The following NOVA1 variants were observed in gnomAD, a reference collection of about 807,000 sequenced individuals.
NOVA1 encodes the protein NOVA alternative splicing regulator 1.
NOVA1 carries 7 observed loss-of-function variants against 38.0 expected under a neutral mutation model. The observed-to-expected ratio is 0.18, with a 90% CI of 0.10 to 0.35. The LOEUF is 0.35. NOVA1 is among the 10% of genes least tolerant of loss of function. The pLI, the probability that NOVA1 is intolerant of heterozygous loss-of-function variation, is 1.00. For missense variants in NOVA1, 460 were observed against 616.0 expected (o/e 0.75, Z 2.68); for synonymous variants, 270 against 232.5 (o/e 1.16, Z -1.47).
At chr14:26,515,006 T>C (rs1566494861) in intron 2 of NOVA1, among the ~76,000 whole-genome samples, 1 of 151,918 alleles carries the variant, frequency 6.6e-6, no homozygotes, top group Non-Finnish European at 1.5e-5. Flanking sequence ...CTTTCCTGCT[T>C]TATCTTATCC....
intron 4 of NOVA1, among the ~76,000 whole-genome samples, chr14:26,463,925 G>A (rs2138216541): frequency 6.6e-6 from 1 of 152,164 alleles, no homozygotes; most frequent in South Asian, 2.1e-4. Context: ...TCTGGACCAG[G>A]CAGTGTTCTA....
chr14:26,563,231 C>A (rs1318291030), intron 2 of NOVA1, among the ~76,000 whole-genome samples: 1 of 151,294 alleles, frequency 6.6e-6, no homozygotes, highest in East Asian at 1.9e-4. Flanking sequence ...AAATACAATA[C>A]AAAGAGCAGA....
chr14:26,463,228 G>GT (rs1453487397), intron 4 of NOVA1, among the ~76,000 whole-genome samples: 4 of 152,100 alleles, frequency 2.6e-5, no homozygotes, highest in African/African-American at 9.7e-5. Context: ...TATTGGTGCA[G>GT]TAAGTTTTAC....
At chr14:26,567,098 G>A (rs1014092287) in intron 2 of NOVA1, among the ~76,000 whole-genome samples, 1 of 151,808 alleles carries the variant, frequency 6.6e-6, no homozygotes, top group Non-Finnish European at 1.5e-5. Context: ...CCTAAAAACT[G>A]TGCAAAATGA....
intron 4 of NOVA1, among the ~76,000 whole-genome samples, chr14:26,451,390 C>T (rs911682336): frequency 2.6e-5 from 4 of 151,984 alleles, no homozygotes; most frequent in East Asian, 3.9e-4. Context: ...TTTTGAGAGA[C>T]GGAGTCTTGC....
intron 2 of NOVA1, among the ~76,000 whole-genome samples, chr14:26,519,820 T>C (rs1022631914): frequency 6.6e-6 from 1 of 152,168 alleles, no homozygotes; most frequent in Admixed American, 6.5e-5. Context: ...ATAAATTTTC[T>C]ACAAGTAGAA....
chr14:26,593,499 G>A (rs1893989973), intron 2 of NOVA1: 1 of 151,798 alleles, frequency 6.6e-6, no homozygotes, highest in Admixed American at 6.6e-5. Flanking sequence ...CCCATACTGT[G>A]TGATTGGTTT....
chr14:26,446,690 A>T lies in NOVA1; in HGVS notation c.*1269T>A, dbSNP rs1882104741. 6.5e-6 allele frequency: 1 copy of T among 152,684 alleles called. No homozygotes were observed. Among genetic ancestry groups the T allele is most frequent in the Non-Finnish European group, 1.5e-5 (1 of 68,116 alleles). The allele number at this position is 152,684 out of a possible 1,614,324, so 9.5% of individuals were successfully genotyped here. On this transcript the variant is annotated 3_prime_UTR_variant, in exon 5 of 5. Coordinates refer to ENST00000539517, the MANE Select transcript of NOVA1 (RefSeq NM_002515.3). ...GGCCTGGACAGTTGGCACTCAGGAG[A>T]GGTACAGAAGAGGGTGACAGTTGTT... is the stretch of plus-strand genomic sequence containing the variant.
intron 4 of NOVA1, among the ~76,000 whole-genome samples, chr14:26,462,991 TTC>T (rs1376760421): frequency 6.6e-6 from 1 of 152,204 alleles, no homozygotes; most frequent in Non-Finnish European, 1.5e-5. Context: ...ATGAACAAAG[TTC>T]TTTGACTATT....
At chr14:26,594,452 T>A (rs1360200004) in intron 2 of NOVA1, 1 of 151,926 alleles carries the variant, frequency 6.6e-6, no homozygotes, top group Admixed American at 6.6e-5. Flanking sequence ...AAGAAAAAAA[T>A]TAAAGCAGTA....
At chr14:26,541,442 A>G (rs977942072) in intron 2 of NOVA1, among the ~76,000 whole-genome samples, 11 of 151,630 alleles carry the variant, frequency 7.3e-5, no homozygotes, top group African/African-American at 2.2e-4. Context: ...CAAAAACAGA[A>G]TGAGCCATTT....
Position 26,596,510 on chromosome 14 carries a change from T to C in NOVA1, c.136+791A>G, listed in dbSNP as rs557808151. 6.3e-6 allele frequency: 8 copies of C among 1,267,746 alleles called. No individual in the cohort carries two copies. In the African/African-American group the frequency reaches 1.1e-4, roughly 17 times the overall value. The allele number at this position is 1,267,746 out of a possible 1,614,324, so 78.5% of individuals were successfully genotyped here. A position where few individuals can be genotyped will look rare whatever the true frequency, so the allele number is the denominator to read the frequency against. On this transcript the variant is annotated intron_variant, in intron 1 of 4. Transcript: ENST00000539517. ...TTAATGTGAATGAATGTTCCAAATG[T>C]TGTGGTGTGCCACTCAAAAGACCCC...
intron 2 of NOVA1, among the ~76,000 whole-genome samples, chr14:26,521,083 A>T (rs1252970857): frequency 6.6e-6 from 1 of 152,098 alleles, no homozygotes; most frequent in Non-Finnish European, 1.5e-5. Context: ...AGTAGATTTG[A>T]TAAATCAGTC....
chr14:26,597,002 G>T, intron 1 of NOVA1: 4 of 1,249,878 alleles, frequency 3.2e-6, no homozygotes, highest in Middle Eastern at 3.1e-4. Context: ...CCAGGTCTAG[G>T]ATATTTACAT....
At chr14:26,506,510 G>A (rs558296969) in intron 2 of NOVA1, among the ~76,000 whole-genome samples, 5 of 152,202 alleles carry the variant, frequency 3.3e-5, no homozygotes, top group Admixed American at 1.3e-4. Flanking sequence ...TGTTGTCTTC[G>A]CCAATCAAGA....
At chr14:26,544,408 T>C (rs1890660274) in intron 2 of NOVA1, among the ~76,000 whole-genome samples, 1 of 151,688 alleles carries the variant, frequency 6.6e-6, no homozygotes. Flanking sequence ...AGTTCTTCCC[T>C]ACTTCTAATC....
chr14:26,459,021 T>C (rs1250650814), intron 4 of NOVA1, among the ~76,000 whole-genome samples: 2 of 152,060 alleles, frequency 1.3e-5, no homozygotes, highest in Non-Finnish European at 2.9e-5. Flanking sequence ...TAGTGTGCCC[T>C]AAGTGTACAG....
chr14:26,497,930 C>T (rs114910946), intron 2 of NOVA1, among the ~76,000 whole-genome samples: 1 of 152,276 alleles, frequency 6.6e-6, no homozygotes, highest in African/African-American at 2.4e-5. Context: ...AAATAAATAT[C>T]TTTATCAATT....
At chr14:26,590,150 T>C (rs956341215) in intron 2 of NOVA1, among the ~76,000 whole-genome samples, 1 of 151,904 alleles carries the variant, frequency 6.6e-6, no homozygotes, top group African/African-American at 2.4e-5. Context: ...TGATAAATGT[T>C]AAAACAAACT....
Sources: gnomAD v4.1 joint callset for allele counts (sites outside exome capture counted in the v4.1 genomes callset) on GRCh38, gnomAD v4.1.1 for gene constraint, MANE v1.5 for transcripts, NCBI Gene and HGNC (gene_info 2026-07-23, HGNC 2026-07-21) for gene names.